LDLRAD3: variants seen among roughly 807,000 people sequenced by gnomAD.
The protein encoded by LDLRAD3 is low-density lipoprotein receptor class A domain-containing protein 3.
LDLRAD3 carries 20 observed loss-of-function variants against 29.4 expected under a neutral mutation model. That is an observed-to-expected ratio of 0.68 (90% CI 0.48 to 0.99). LDLRAD3 has a LOEUF of 0.99. LDLRAD3 is among the 50% of genes least tolerant of loss of function. The probability of loss-of-function intolerance (pLI) is 0.00; values close to 1 mark genes in which losing one functional copy is unlikely to be tolerated. For synonymous variants in LDLRAD3, 157 were observed against 192.7 expected (o/e 0.81, Z 1.53); for missense variants, 420 against 454.3 (o/e 0.92, Z 0.69).
At position 36,202,567 on chromosome 11, in the gene LDLRAD3, G is replaced by T. The variant is rs117765633; in HGVS notation, c.455-24518G>T. On this transcript the variant is annotated intron_variant, in intron 4 of 5. Transcript: ENST00000315571. ...GAGGGAGATTTGAACCACAGATCCT[G>T]AGATCTGTGTGCTGTGTGCCACTCA... 9.9e-4 allele frequency among the ~76,000 whole-genome samples: 151 copies of T among 152,300 alleles called. 2 individuals are homozygous for T. Among genetic ancestry groups the T allele is most frequent in the Non-Finnish European group, 1.9e-3 (127 of 68,024 alleles).
At chr11:36,021,601 G>A (rs1852096903) in intron 1 of LDLRAD3, among the ~76,000 whole-genome samples, 1 of 152,182 alleles carries the variant, frequency 6.6e-6, no homozygotes, top group Non-Finnish European at 1.5e-5. Context: ...GTGGGAACCG[G>A]ACAGATGGCA....
chr11:36,057,054 G>A (rs544045421), intron 2 of LDLRAD3, among the ~76,000 whole-genome samples: 1 of 152,292 alleles, frequency 6.6e-6, no homozygotes, highest in Non-Finnish European at 1.5e-5. Flanking sequence ...TAGAGTTTAT[G>A]ATTTTCAGGG....
At chr11:36,067,842 AT>A (rs1022888816) in intron 2 of LDLRAD3, among the ~76,000 whole-genome samples, 2 of 151,384 alleles carry the variant, frequency 1.3e-5, no homozygotes. Context: ...TTTTTTTTGT[AT>A]TTTTTTTGTA....
At chr11:36,203,651 G>C (rs872534) in intron 4 of LDLRAD3, among the ~76,000 whole-genome samples, 1 of 152,158 alleles carries the variant, frequency 6.6e-6, no homozygotes, top group African/African-American at 2.4e-5. Flanking sequence ...TTGGATACTT[G>C]CAAAGAACTT....
At chr11:36,224,181 G>A (rs1378948002) in intron 4 of LDLRAD3, among the ~76,000 whole-genome samples, 1 of 151,558 alleles carries the variant, frequency 6.6e-6, no homozygotes, top group Non-Finnish European at 1.5e-5. Context: ...GCCAGGCACT[G>A]TGCTCAGCAC....
chr11:36,088,038 A>G (rs1364650669), intron 3 of LDLRAD3, among the ~76,000 whole-genome samples: 1 of 151,760 alleles, frequency 6.6e-6, no homozygotes, highest in African/African-American at 2.4e-5. Context: ...AAAAAAAGGT[A>G]GAGATGGGGT....
At chr11:36,133,354 C>CTTTCTTTTCT (rs72293435) in intron 4 of LDLRAD3, among the ~76,000 whole-genome samples, 12 of 130,450 alleles carry the variant, frequency 9.2e-5, no homozygotes, top group East Asian at 2.4e-4. Context: ...TTTTCTTTTC[C>CTTTCTTTTCT]TTTCTTTTCT....
intron 1 of LDLRAD3, among the ~76,000 whole-genome samples, chr11:36,004,006 TC>T (rs1300898569): frequency 1.3e-5 from 2 of 152,072 alleles, no homozygotes; most frequent in Non-Finnish European, 2.9e-5. Flanking sequence ...TCCAGTCACT[TC>T]CCACCAGGCC....
intron 4 of LDLRAD3, among the ~76,000 whole-genome samples, chr11:36,191,564 CTCTCTCTCTCTCTA>C (rs1332114701): frequency 4.0e-5 from 3 of 75,806 alleles, no homozygotes; most frequent in South Asian, 4.9e-4. Flanking sequence ...CTCTCTCTCT[CTCTCTCTCTCTCTA>C]TATATATATA....
intron 4 of LDLRAD3, among the ~76,000 whole-genome samples, chr11:36,144,235 A>T (rs1013699002): frequency 6.6e-6 from 1 of 151,644 alleles, no homozygotes; most frequent in African/African-American, 2.4e-5. Context: ...TCAGTGCTCA[A>T]TGGTGCCCAG....
intron 3 of LDLRAD3, among the ~76,000 whole-genome samples, chr11:36,083,230 G>C (rs1225471439): frequency 1.3e-5 from 2 of 152,184 alleles, no homozygotes; most frequent in Admixed American, 6.5e-5. Context: ...TATGGATCTT[G>C]ATAAGTATAT....
At chr11:36,036,731 T>G (rs1482611503) in intron 2 of LDLRAD3, among the ~76,000 whole-genome samples, 1 of 152,062 alleles carries the variant, frequency 6.6e-6, no homozygotes, top group Non-Finnish European at 1.5e-5. Context: ...CAGCATGGAG[T>G]TGGGACTGAA....
intron 4 of LDLRAD3, among the ~76,000 whole-genome samples, chr11:36,186,496 G>A (rs1854851045): frequency 6.6e-6 from 1 of 152,152 alleles, no homozygotes; most frequent in African/African-American, 2.4e-5. Flanking sequence ...AATCTTTTCA[G>A]GCCAGTACAT....
chr11:36,101,134 C>A (rs1412680665), intron 4 of LDLRAD3, among the ~76,000 whole-genome samples: 1 of 152,160 alleles, frequency 6.6e-6, no homozygotes, highest in Non-Finnish European at 1.5e-5. Context: ...AGAAAATAAG[C>A]TACATATGCA....
At chr11:36,112,088 G>A (rs1565231119) in intron 4 of LDLRAD3, among the ~76,000 whole-genome samples, 1 of 150,252 alleles carries the variant, frequency 6.7e-6, no homozygotes, top group African/African-American at 2.5e-5. Flanking sequence ...TACCTCTACA[G>A]CAGAAATAGA....
chr11:35,996,541 G>A (rs1851757778), intron 1 of LDLRAD3, among the ~76,000 whole-genome samples: 1 of 152,214 alleles, frequency 6.6e-6, no homozygotes. Context: ...TGGAAAAATA[G>A]TGCTGGTAGA....
chr11:36,060,658 C>T (rs1056542736), intron 2 of LDLRAD3, among the ~76,000 whole-genome samples: 1 of 152,092 alleles, frequency 6.6e-6, no homozygotes, highest in Non-Finnish European at 1.5e-5. Flanking sequence ...TGTGGGAGCA[C>T]CAAAAATCTC....
intron 4 of LDLRAD3, among the ~76,000 whole-genome samples, chr11:36,169,081 G>A (rs981731382): frequency 6.6e-6 from 1 of 152,176 alleles, no homozygotes; most frequent in African/African-American, 2.4e-5. Context: ...GGTGAGTGCA[G>A]ACTACAGTTG....
chr11:36,136,902 G>C (rs960517042), intron 4 of LDLRAD3, among the ~76,000 whole-genome samples: 7 of 152,146 alleles, frequency 4.6e-5, no homozygotes, highest in African/African-American at 1.7e-4. Flanking sequence ...TGTTGGCCAA[G>C]TGGGTCTCAA....
Sources: gnomAD v4.1 joint callset for allele counts (sites outside exome capture counted in the v4.1 genomes callset) on GRCh38, gnomAD v4.1.1 for gene constraint, MANE v1.5 for transcripts, NCBI Gene and HGNC (gene_info 2026-07-23, HGNC 2026-07-21) for gene names.